The following DGKK variants were observed in gnomAD, a reference collection of about 807,000 sequenced individuals.
DGKK encodes diacylglycerol kinase kappa.
A neutral mutation model predicts 92.2 loss-of-function variants in DGKK; 35 were observed. The observed-to-expected ratio is 0.38, with a 90% CI of 0.29 to 0.50. The LOEUF (loss-of-function observed/expected upper bound fraction) is 0.50, where lower values mean the gene tolerates loss of function less well. Ranked by LOEUF, DGKK falls within the 20% of genes least tolerant of loss-of-function variation. The probability of loss-of-function intolerance (pLI) is 0.92; values close to 1 mark genes in which losing one functional copy is unlikely to be tolerated. For missense variants in DGKK, 910 were observed against 992.2 expected (o/e 0.92, Z 1.11); for synonymous variants, 368 against 360.6 (o/e 1.02, Z -0.23).
At chrX:50,436,512 C>T (rs1314255975) in intron 1 of DGKK, among the ~76,000 whole-genome samples, 12 of 112,159 alleles carry the variant, frequency 1.1e-4, no homozygotes, top group Non-Finnish European at 1.5e-4. Context: ...CTAAGTCAAT[C>T]GACAGAAGAA....
rs1925068312 is a variant in DGKK, at chrX:50,403,604, G to A, written c.1079-7C>T. The A allele has an allele frequency of 1.5e-5, 18 of 1,174,126 alleles. No homozygotes were observed. Among genetic ancestry groups the A allele is most frequent in the Non-Finnish European group, 2.0e-5 (17 of 863,089 alleles). ...TGAGATTTCACTTTGCACACTGTGA[G>A]AAGAGGAAGAGAAAAGATGGGTGTG... is the stretch of plus-strand genomic sequence containing the variant. On this transcript the variant is annotated splice_region_variant and splice_polypyrimidine_tract_variant and intron_variant, in intron 5 of 27. Transcript: ENST00000611977.
At chrX:50,403,843 G>A (rs1249867286) in intron 5 of DGKK, among the ~76,000 whole-genome samples, 1 of 111,355 alleles carries the variant, frequency 9.0e-6, no homozygotes, top group Non-Finnish European at 1.9e-5. Flanking sequence ...TAACACTTGT[G>A]ATAATATAGT....
intron 12 of DGKK, 100 bp downstream of exon 12, chrX:50,390,228 C>A (rs1186594620): frequency 1.6e-5 from 12 of 757,195 alleles, no homozygotes; most frequent in Non-Finnish European, 2.2e-5. Context: ...ATGATCTCAT[C>A]CTCATCCATG....
intron 4 of DGKK, among the ~76,000 whole-genome samples, chrX:50,404,749 T>C (rs1222429158): frequency 1.8e-5 from 2 of 111,328 alleles, no homozygotes; most frequent in Middle Eastern, 4.2e-3. Context: ...CACTCTATTG[T>C]CTTAGTTCAA....
intron 16 of DGKK, among the ~76,000 whole-genome samples, 183 bp downstream of exon 16, chrX:50,384,537 T>C (rs1339943985): frequency 1.8e-5 from 2 of 111,478 alleles, no homozygotes; most frequent in Non-Finnish European, 3.8e-5. Flanking sequence ...ATGTTCCTAA[T>C]GGGGTCATTA....
At chrX:50,385,405 T>C (rs1413899447) in intron 15 of DGKK, among the ~76,000 whole-genome samples, 1 of 111,934 alleles carries the variant, frequency 8.9e-6, no homozygotes, top group Non-Finnish European at 1.9e-5. Context: ...GGTATTTTCC[T>C]ATCTCATAGC....
At chrX:50,410,993 G>A (rs933353393) in intron 4 of DGKK, among the ~76,000 whole-genome samples, 2 of 99,004 alleles carry the variant, frequency 2.0e-5, no homozygotes, top group Admixed American at 1.1e-4. Context: ...CTGTGTTCCT[G>A]CCAATGGAAG....
intron 18 of DGKK, 88 bp from the exon 19 acceptor site, chrX:50,380,165 T>C: frequency 6.5e-6 from 5 of 767,245 alleles, no homozygotes; most frequent in Non-Finnish European, 9.9e-6. Flanking sequence ...CCATCTTACT[T>C]CTCAAATGCC....
chrX:50,424,759 C>T (rs1925690935), intron 1 of DGKK, among the ~76,000 whole-genome samples: 1 of 111,562 alleles, frequency 9.0e-6, no homozygotes, highest in Non-Finnish European at 1.9e-5. Flanking sequence ...GCTCTCCTGT[C>T]AGCTCTTTTA....
chrX:50,378,025 G>A, intron 22 of DGKK, 73 bp downstream of exon 22: 3 of 1,102,367 alleles, frequency 2.7e-6, no homozygotes, highest in Non-Finnish European at 3.6e-6. Flanking sequence ...TTCTGCTTGA[G>A]TGGAAATATT....
intron 1 of DGKK, among the ~76,000 whole-genome samples, chrX:50,469,640 C>A: frequency 8.9e-6 from 1 of 112,906 alleles, no homozygotes; most frequent in Non-Finnish European, 1.9e-5. Context: ...TCCCACCGCC[C>A]CCACTCAATC....
chrX:50,398,071 C>T (rs1557226268), intron 8 of DGKK, among the ~76,000 whole-genome samples: 1 of 111,220 alleles, frequency 9.0e-6, no homozygotes, highest in African/African-American at 3.3e-5. Flanking sequence ...GGAAGGAATT[C>T]TCAGAAATTA....
intron 1 of DGKK, among the ~76,000 whole-genome samples, chrX:50,441,101 A>C (rs1445718680): frequency 9.0e-6 from 1 of 111,498 alleles, no homozygotes; most frequent in Non-Finnish European, 1.9e-5. Flanking sequence ...TTCCAGGCTC[A>C]TGATTCACTG....
chrX:50,429,622 G>T (rs781886139), intron 1 of DGKK, among the ~76,000 whole-genome samples: 1 of 111,904 alleles, frequency 8.9e-6, no homozygotes, highest in Admixed American at 9.4e-5. Context: ...CCGGGAGGCG[G>T]AGCTTGCAGT....
chrX:50,433,244 C>T (rs959265895), intron 1 of DGKK, among the ~76,000 whole-genome samples: 5 of 111,699 alleles, frequency 4.5e-5, no homozygotes, highest in Non-Finnish European at 9.4e-5. Flanking sequence ...CTGAGCTAAC[C>T]GTGACCTTAG....
In DGKK at chrX:50,367,548, A is replaced by G. The variant is rs1924002175; in HGVS notation, c.*1392T>C. ...GAAAAGGGCAAGATGGGAGATTTGAAGGTGACTTGAGGACTGACCCAACAG... is the reference window on the plus strand; with the variant it reads ...GAAAAGGGCAAGATGGGAGATTTGAGGGTGACTTGAGGACTGACCCAACAG... On this transcript the variant is annotated 3_prime_UTR_variant, in exon 28 of 28. Coordinates refer to ENST00000611977, the MANE Select transcript of DGKK (RefSeq NM_001013742.4). 9.0e-6 allele frequency: 1 copy of G among 111,132 alleles called. No individual in the cohort carries two copies. The highest frequency in any genetic ancestry group is 3.3e-5 in the African/African-American group (1 of 30,527). 9.2% of individuals were successfully genotyped at this position (111,132 alleles called of 1,213,427 possible).
intron 26 of DGKK, 85 bp downstream of exon 26, chrX:50,371,610 GCCAGCACTGGACCCCCTGTACTACAGTCA>G (rs1299711193): frequency 1.9e-5 from 10 of 513,171 alleles, no homozygotes; most frequent in Non-Finnish European, 3.2e-5. Flanking sequence ...TCAGTTTAAA[GCCAGCACTGGACCCCCTGTACTACAGTCA>G]CCATGTCCTG....
intron 1 of DGKK, among the ~76,000 whole-genome samples, chrX:50,469,325 G>A (rs957715652): frequency 8.9e-6 from 1 of 112,484 alleles, no homozygotes; most frequent in African/African-American, 3.2e-5. Flanking sequence ...GTATCACTGC[G>A]TTTGCACCTA....
chrX:50,413,193 G>A (rs372381330), intron 4 of DGKK, among the ~76,000 whole-genome samples: 9 of 110,292 alleles, frequency 8.2e-5, no homozygotes, highest in South Asian at 4.0e-4. Context: ...GCCTTATACC[G>A]TATTAAAAAA....
Sources: gnomAD v4.1 joint callset for allele counts (sites outside exome capture counted in the v4.1 genomes callset) on GRCh38, gnomAD v4.1.1 for gene constraint, MANE v1.5 for transcripts, NCBI Gene and HGNC (gene_info 2026-07-23, HGNC 2026-07-21) for gene names.